SESTD1: variants seen among roughly 807,000 people sequenced by gnomAD.
SESTD1 encodes SEC14 and spectrin domain containing 1, also known as SEC14 domain and spectrin repeat-containing protein 1.
A neutral mutation model predicts 101.7 loss-of-function variants in SESTD1; 43 were observed. The ratio of observed to expected loss-of-function variants is 0.42; its 90% CI spans 0.33 to 0.55. The LOEUF (loss-of-function observed/expected upper bound fraction) is 0.55, where lower values mean the gene tolerates loss of function less well. Ranked by LOEUF, SESTD1 falls within the 20% of genes least tolerant of loss-of-function variation. SESTD1 has a pLI of 0.07. For synonymous variants in SESTD1, 283 were observed against 286.8 expected, an observed-to-expected ratio of 0.99 and a Z score of 0.13; for missense variants, 647 against 815.1, an observed-to-expected ratio of 0.79 and a Z score of 2.51.
At chr2:179,237,438 A>G (rs1478654931) in intron 1 of SESTD1, among the ~76,000 whole-genome samples, 1 of 152,032 alleles carries the variant, frequency 6.6e-6, no homozygotes. Context: ...CGTAGCCTAC[A>G]TTTCCAGGCA....
At chr2:179,195,010 C>T (rs779155939) in intron 1 of SESTD1, among the ~76,000 whole-genome samples, 1 of 152,152 alleles carries the variant, frequency 6.6e-6, no homozygotes. Flanking sequence ...GGGAACAGAG[C>T]TACAGAGAAA....
At position 179,105,831 on chromosome 2, in the gene SESTD1, C is replaced by G. The variant is rs1320202009; in HGVS notation, c.*4068G>C. 4 of 152,134 alleles carry G rather than the reference C, an allele frequency of 2.6e-5. No individual in the cohort carries two copies. Among genetic ancestry groups the G allele is most frequent in the Non-Finnish European group, 4.4e-5 (3 of 68,016 alleles). The allele number at this position is 152,134 out of a possible 1,614,324, so 9.4% of individuals were successfully genotyped here. A position where few individuals can be genotyped will look rare whatever the true frequency, so the allele number is the denominator to read the frequency against. On this transcript the variant is annotated 3_prime_UTR_variant, in exon 18 of 18. Coordinates refer to ENST00000428443, the MANE Select transcript of SESTD1 (RefSeq NM_178123.5). ...AGCCAGATTTTTGAAGCCAAGTATT[C>G]AAGCTCCAAACACTTTCCATTATAT...
At chr2:179,129,897 T>C (rs1319222656) in intron 10 of SESTD1, among the ~76,000 whole-genome samples, 1 of 152,148 alleles carries the variant, frequency 6.6e-6, no homozygotes, top group Non-Finnish European at 1.5e-5. Context: ...GGAAGAATAG[T>C]GTAATGAACT....
intron 9 of SESTD1, among the ~76,000 whole-genome samples, chr2:179,140,748 C>A (rs2045259938): frequency 6.6e-6 from 1 of 152,204 alleles, no homozygotes; most frequent in South Asian, 2.1e-4. Context: ...GGCCTTGCCA[C>A]TCCATGCCCT....
intron 2 of SESTD1, among the ~76,000 whole-genome samples, chr2:179,184,044 C>A (rs1289431442): frequency 9.9e-5 from 15 of 152,072 alleles, no homozygotes. Context: ...AAAGATAAAA[C>A]CCTGCCCAGC....
chr2:179,133,493 T>C (rs548443296), intron 9 of SESTD1, among the ~76,000 whole-genome samples: 35 of 152,318 alleles, frequency 2.3e-4, no homozygotes, highest in African/African-American at 7.2e-4. Context: ...CCCACAATCA[T>C]ATACACTCTG....
In SESTD1 at chr2:179,229,796, C is replaced by G. The variant is rs1365961368; in HGVS notation, c.-26+34703G>C. Among the ~76,000 whole-genome samples the G allele has an allele frequency of 2.0e-4, 27 of 131,890 alleles. 2 individuals are homozygous for G. The South Asian group carries it at 4.5e-3, about 22-fold the overall frequency. The allele number at this position is 131,890 out of a possible 152,430, so 86.5% of individuals were successfully genotyped here. A position where few individuals can be genotyped will look rare whatever the true frequency, so the allele number is the denominator to read the frequency against. On this transcript the variant is annotated intron_variant, in intron 1 of 17. Transcript: ENST00000428443. ...ATATACTCAAATACACACACACACA[C>G]ACACACACACACACACACACAACCC...
rs569926549 is a variant in SESTD1 at position 179,244,803 on chromosome 2, T to G, written c.-26+19696A>C. On this transcript the variant is annotated intron_variant, in intron 1 of 17. Coordinates refer to ENST00000428443, the MANE Select transcript of SESTD1 (RefSeq NM_178123.5). ...TTGTCTTGAGTTGTCTAAATTATGT[T>G]TGACACCTGAAGCAAGGATATAGCT... Among the ~76,000 whole-genome samples the G allele has an allele frequency of 2.6e-5, 4 of 152,344 alleles. No individual in the cohort carries two copies. In the South Asian group the frequency reaches 8.3e-4, roughly 32 times the overall value.
chr2:179,133,298 A>T (rs1201407682), intron 9 of SESTD1, among the ~76,000 whole-genome samples: 1 of 152,178 alleles, frequency 6.6e-6, no homozygotes, highest in East Asian at 1.9e-4. Context: ...ACCCCAAGTT[A>T]TGCCTTCCAT....
Position 179,104,942 on chromosome 2 carries a change from T to C in SESTD1, c.*4957A>G, listed in dbSNP as rs1217903534. 6.6e-6 allele frequency: 1 copy of C among 152,152 alleles called. No individual in the cohort carries two copies. Among genetic ancestry groups the C allele is most frequent in the East Asian group, 1.9e-4 (1 of 5,198 alleles). The allele number at this position is 152,152 out of a possible 1,614,324, so 9.4% of individuals were successfully genotyped here. The stretch of plus-strand genomic sequence containing the variant: ...GTGTTTATTCTCAAGCTTTCATGTT[T>C]GCTTTAAAATTCTGCAGTAATGTTG... On this transcript the variant is annotated 3_prime_UTR_variant, in exon 18 of 18. Transcript: ENST00000428443.
intron 1 of SESTD1, among the ~76,000 whole-genome samples, chr2:179,217,930 C>A (rs1469213358): frequency 6.6e-6 from 1 of 150,506 alleles, no homozygotes; most frequent in African/African-American, 2.5e-5. Flanking sequence ...AACTGAACAA[C>A]GAGAACACTT....
At chr2:179,110,124 A>G (rs1200668662) in intron 17 of SESTD1, 96 bp from the exon 18 acceptor site, 7 of 1,217,226 alleles carry the variant, frequency 5.8e-6, no homozygotes, top group African/African-American at 1.5e-5. Context: ...TAAAAAATCT[A>G]CATGAGATAG....
chr2:179,253,683 T>G (rs6719921), intron 1 of SESTD1, among the ~76,000 whole-genome samples: 347 of 152,262 alleles, frequency 2.3e-3, no homozygotes, highest in African/African-American at 8.0e-3. Context: ...ATCATATGCA[T>G]ATATATAAAA....
At chr2:179,165,680 T>C (rs1393968340) in intron 5 of SESTD1, among the ~76,000 whole-genome samples, 1 of 152,210 alleles carries the variant, frequency 6.6e-6, no homozygotes, top group Non-Finnish European at 1.5e-5. Context: ...TCTCTTTTTG[T>C]TGGGGCATAG....
chr2:179,111,554 G>A (rs945012447), intron 17 of SESTD1, among the ~76,000 whole-genome samples: 4 of 152,156 alleles, frequency 2.6e-5, no homozygotes, highest in African/African-American at 9.7e-5. Context: ...TCTGGCTCCA[G>A]AGTGCACAGA....
chr2:179,209,767 G>A (rs2046628327), intron 1 of SESTD1, among the ~76,000 whole-genome samples: 1 of 133,602 alleles, frequency 7.5e-6, no homozygotes, highest in Admixed American at 7.3e-5. Flanking sequence ...AAGTCGGAAA[G>A]TGCACAAATT....
At chr2:179,184,201 G>A (rs1027487254) in intron 2 of SESTD1, among the ~76,000 whole-genome samples, 2 of 152,074 alleles carry the variant, frequency 1.3e-5, no homozygotes, top group African/African-American at 4.8e-5. Flanking sequence ...CATGTCTTTG[G>A]AAGTTTCCTA....
chr2:179,136,898 T>A (rs2045158168), intron 9 of SESTD1, among the ~76,000 whole-genome samples: 1 of 151,978 alleles, frequency 6.6e-6, no homozygotes, highest in Non-Finnish European at 1.5e-5. Context: ...CATATATATG[T>A]ATATATATAT....
chr2:179,199,317 C>A lies in SESTD1; in HGVS notation c.-25-7451G>T, dbSNP rs557857456. ...CTGAAATTGTGGCAATATTCAATAG[C>A]TTACCAACCAAAAAGAGTCCAGGAC... On this transcript the variant is annotated intron_variant, in intron 1 of 17. Coordinates refer to ENST00000428443, the MANE Select transcript of SESTD1 (RefSeq NM_178123.5). Among the ~76,000 whole-genome samples, 78 of 152,182 alleles carry A rather than the reference C, an allele frequency of 5.1e-4. 2 individuals are homozygous for A. In the East Asian group the frequency reaches 0.014, roughly 28 times the overall value.
Sources: gnomAD v4.1 joint callset for allele counts (sites outside exome capture counted in the v4.1 genomes callset) on GRCh38, gnomAD v4.1.1 for gene constraint, MANE v1.5 for transcripts, NCBI Gene and HGNC (gene_info 2026-07-23, HGNC 2026-07-21) for gene names.